FOXN3: variants seen among roughly 807,000 people sequenced by gnomAD.
FOXN3 encodes the protein forkhead box protein N3.
FOXN3 carries 7 observed loss-of-function variants against 38.4 expected under a neutral mutation model. That is an observed-to-expected ratio of 0.18 (90% CI 0.10 to 0.34). FOXN3 has a LOEUF of 0.34. FOXN3 is among the 10% of genes least tolerant of loss of function. The pLI, the probability that FOXN3 is intolerant of heterozygous loss-of-function variation, is 1.00. For synonymous variants in FOXN3, 230 were observed against 242.2 expected (o/e 0.95, Z 0.47); for missense variants, 456 against 613.4 (o/e 0.74, Z 2.71).
chr14:89,340,091 GAGA>G (rs1045268317), intron 3 of FOXN3, among the ~76,000 whole-genome samples: 5 of 151,858 alleles, frequency 3.3e-5, no homozygotes, highest in East Asian at 3.9e-4. Flanking sequence ...AGAGAGGAAA[GAGA>G]AGAAGGAAGG....
intron 4 of FOXN3, among the ~76,000 whole-genome samples, chr14:89,211,504 T>G (rs1884092409): frequency 6.6e-6 from 1 of 152,188 alleles, no homozygotes. Flanking sequence ...GAGTCGCTTA[T>G]ACTGAAGAAA....
At chr14:89,599,470 C>G (rs1454054191) in intron 1 of FOXN3, among the ~76,000 whole-genome samples, 2 of 152,050 alleles carry the variant, frequency 1.3e-5, no homozygotes, top group African/African-American at 4.8e-5. Flanking sequence ...TCTTTTAATC[C>G]TTGAAACATA....
chr14:89,205,523 G>A (rs117352422), intron 4 of FOXN3, among the ~76,000 whole-genome samples: 21 of 152,328 alleles, frequency 1.4e-4, no homozygotes, highest in East Asian at 1.2e-3. Flanking sequence ...GCGGCTGGAC[G>A]TTAAGAGGAG....
intron 3 of FOXN3, chr14:89,291,018 T>C: frequency 2.2e-6 from 1 of 461,954 alleles, no homozygotes; most frequent in Non-Finnish European, 4.4e-6. Flanking sequence ...GTGGTGCTCC[T>C]TGACTCATGC....
Position 89,160,922 on chromosome 14 carries a change from AG to A in FOXN3, c.*1491del, listed in dbSNP as rs1431398886. On this transcript the variant is annotated 3_prime_UTR_variant, in exon 6 of 6. Transcript: ENST00000557258. ...ACAAAAAACAAAAACAAAAACAAAAAGGAAAAAAAGAAAGCAAAGAAAAGGA... is the reference window on the plus strand; with the variant it reads ...ACAAAAAACAAAAACAAAAACAAAAAGAAAAAAAGAAAGCAAAGAAAAGGA... 1 of 152,290 alleles carries A rather than the reference AG, an allele frequency of 6.6e-6. No individual in the cohort carries two copies. Among genetic ancestry groups the A allele is most frequent in the Non-Finnish European group, 1.5e-5 (1 of 68,026 alleles). The allele number at this position is 152,290 out of a possible 1,614,324, so 9.4% of individuals were successfully genotyped here. A position where few individuals can be genotyped will look rare whatever the true frequency, so the allele number is the denominator to read the frequency against.
At chr14:89,277,195 AC>A (rs1173194632) in intron 4 of FOXN3, among the ~76,000 whole-genome samples, 1 of 152,246 alleles carries the variant, frequency 6.6e-6, no homozygotes, top group Non-Finnish European at 1.5e-5. Flanking sequence ...AATGAATTAA[AC>A]GAATAAAATA....
intron 1 of FOXN3, among the ~76,000 whole-genome samples, chr14:89,546,296 T>A (rs1207365213): frequency 6.6e-6 from 1 of 151,292 alleles, no homozygotes; most frequent in Non-Finnish European, 1.5e-5. Context: ...GAAATGATTT[T>A]TTCCCAATAG....
intron 1 of FOXN3, among the ~76,000 whole-genome samples, chr14:89,563,736 AG>A (rs1246128888): frequency 1.3e-5 from 2 of 152,154 alleles, no homozygotes; most frequent in African/African-American, 4.8e-5. Flanking sequence ...TGTTTGTTTG[AG>A]GGAAGGTCAA....
At chr14:89,612,668 C>T (rs888140930) in intron 1 of FOXN3, among the ~76,000 whole-genome samples, 61 of 152,108 alleles carry the variant, frequency 4.0e-4, no homozygotes, top group African/African-American at 1.4e-3. Flanking sequence ...GTGGTACACA[C>T]CTGTGGTCCC....
chr14:89,238,561 T>C (rs908380041), intron 4 of FOXN3, among the ~76,000 whole-genome samples: 3 of 152,228 alleles, frequency 2.0e-5, no homozygotes, highest in African/African-American at 7.2e-5. Flanking sequence ...TCAATGCCAC[T>C]AGCCACACAG....
At chr14:89,309,064 G>T (rs1162319180) in intron 3 of FOXN3, among the ~76,000 whole-genome samples, 3 of 152,102 alleles carry the variant, frequency 2.0e-5, no homozygotes, top group African/African-American at 4.8e-5. Flanking sequence ...CTCTTTGTTT[G>T]TTTTTTTATT....
In FOXN3 at chr14:89,156,762, T is replaced by C. The variant is rs1351540640; in HGVS notation, c.*5652A>G. The C allele has an allele frequency of 7.2e-5, 11 of 152,152 alleles. No individual in the cohort carries two copies. The highest frequency in any genetic ancestry group is 2.0e-4 in the Admixed American group (3 of 15,270). 9.4% of individuals were successfully genotyped at this position (152,152 alleles called of 1,614,324 possible). On this transcript the variant is annotated 3_prime_UTR_variant, in exon 6 of 6. Transcript: ENST00000557258. ...ACATTTTTCCTCCACATTTTCACCA[T>C]GGCAGTATTAAGTAGTGAGTGTGAA... is the stretch of plus-strand genomic sequence containing the variant.
chr14:89,542,669 C>T (rs1487490098), intron 1 of FOXN3, among the ~76,000 whole-genome samples: 1 of 152,176 alleles, frequency 6.6e-6, no homozygotes, highest in Admixed American at 6.6e-5. Context: ...CTTGTCTACC[C>T]AGAGAATTTC....
At chr14:89,368,489 G>A (rs1234896579) in intron 2 of FOXN3, among the ~76,000 whole-genome samples, 7 of 150,988 alleles carry the variant, frequency 4.6e-5, no homozygotes, top group South Asian at 2.1e-4. Flanking sequence ...GAAAAAATGC[G>A]AAAAAATTAG....
intron 1 of FOXN3, among the ~76,000 whole-genome samples, chr14:89,435,593 A>G (rs1225954657): frequency 6.6e-6 from 1 of 152,012 alleles, no homozygotes; most frequent in Admixed American, 6.6e-5. Flanking sequence ...CTTCCTTGAA[A>G]GCTCCCCTGG....
rs1026555042 is a variant in FOXN3, at chr14:89,543,713, T to C, written c.-15+75315A>G. ...TTGATTTTGATGGATTAAAACCGAA[T>C]AAAAATGTACTGTAACTCACTTCCA... On this transcript the variant is annotated intron_variant, in intron 1 of 6. Coordinates refer to the FOXN3 transcript ENST00000345097. Among the ~76,000 whole-genome samples the C allele has an allele frequency of 2.6e-5, 4 of 152,234 alleles. No homozygotes were observed. In the East Asian group the frequency reaches 7.7e-4, roughly 29 times the overall value.
At chr14:89,369,692 C>T (rs1416292764) in intron 2 of FOXN3, among the ~76,000 whole-genome samples, 1 of 151,588 alleles carries the variant, frequency 6.6e-6, no homozygotes, top group East Asian at 1.9e-4. Context: ...GGAAACTCCC[C>T]TTTACAAACC....
intron 1 of FOXN3, among the ~76,000 whole-genome samples, chr14:89,504,565 C>A (rs184050178): frequency 4.3e-4 from 65 of 152,286 alleles, no homozygotes; most frequent in African/African-American, 1.5e-3. Context: ...CAGTAAGGCC[C>A]AGAACCACAG....
In FOXN3 at chr14:89,158,249, C is replaced by A. The variant is rs781556366; in HGVS notation, c.*4165G>T. On this transcript the variant is annotated 3_prime_UTR_variant, in exon 6 of 6. Coordinates refer to ENST00000557258, the MANE Select transcript of FOXN3 (RefSeq NM_005197.4). ...GAACTCTGAGCTGGGCACAGAAGGC[C>A]TCCACCTGGTTCTCACTCTACAGAG... 11 of 152,316 alleles carry A rather than the reference C, an allele frequency of 7.2e-5. No individual in the cohort carries two copies. The highest frequency in any genetic ancestry group is 1.3e-4 in the Non-Finnish European group (9 of 68,092). 9.4% of individuals were successfully genotyped at this position (152,316 alleles called of 1,614,324 possible).
Sources: gnomAD v4.1 joint callset for allele counts (sites outside exome capture counted in the v4.1 genomes callset) on GRCh38, gnomAD v4.1.1 for gene constraint, MANE v1.5 for transcripts, NCBI Gene and HGNC (gene_info 2026-07-23, HGNC 2026-07-21) for gene names.